The following ADCK5 variants were observed in gnomAD, a reference collection of about 807,000 sequenced individuals.
ADCK5 encodes uncharacterized aarF domain-containing protein kinase 5.
ADCK5 carries 43 observed loss-of-function variants against 64.9 expected under a neutral mutation model. That is an observed-to-expected ratio of 0.66 (90% confidence interval 0.52 to 0.85). The LOEUF is 0.85. Ranked by LOEUF, ADCK5 falls within the 40% of genes least tolerant of loss-of-function variation. The pLI, the probability that ADCK5 is intolerant of heterozygous loss-of-function variation, is 0.00. For missense variants in ADCK5, 760 were observed against 810.5 expected (o/e 0.94, Z 0.76); for synonymous variants, 434 against 342.8 (o/e 1.27, Z -2.94).
chr8:144,374,185 C>G lies in ADCK5; in HGVS notation c.12+78C>G. On this transcript the variant is annotated intron_variant, in intron 1 of 14. Transcript: ENST00000308860. ...GACCCGAGACCCGCAAGTCCCCAGACCCCGCCCTAGAGACCCTCGGGGCTT... is the reference window on the plus strand; with the variant it reads ...GACCCGAGACCCGCAAGTCCCCAGAGCCCGCCCTAGAGACCCTCGGGGCTT... 4.1e-6 allele frequency: 5 copies of G among 1,218,636 alleles called. No individual in the cohort carries two copies. The South Asian group carries it at 2.1e-4, about 51-fold the overall frequency. The allele number at this position is 1,218,636 out of a possible 1,614,324, so 75.5% of individuals were successfully genotyped here.
At chr8:144,388,490 C>A (rs1820028347) in intron 3 of ADCK5, among the ~76,000 whole-genome samples, 1 of 151,504 alleles carries the variant, frequency 6.6e-6, no homozygotes, top group Admixed American at 6.6e-5. Flanking sequence ...TAGAGCCGGG[C>A]ACGGTGGCTC....
rs180876327 is a variant in ADCK5, at chr8:144,375,489, G to A, written c.12+1382G>A. ...AGTTTCTGGCATCATTCTGAGACTC[G>A]GCAGTTGCTTCTCACTGCTGCGGCC... On this transcript the variant is annotated intron_variant, in intron 1 of 14. Transcript: ENST00000308860. The A allele has an allele frequency of 4.6e-5, 45 of 985,442 alleles. No individual in the cohort carries two copies. In the East Asian group the frequency reaches 3.2e-3, roughly 70 times the overall value. 61.0% of individuals were successfully genotyped at this position (985,442 alleles called of 1,614,324 possible). A position where few individuals can be genotyped will look rare whatever the true frequency, so the allele number is the denominator to read the frequency against.
In ADCK5 at chr8:144,374,108, G is replaced by C; in HGVS notation, c.12+1G>C. Reference sequence around the variant, plus strand: ...GCAGTGGTCGGAGATGTGGCGACCGGTGAGGACTCTCCCGGCCCGGGGCGC... The same window carrying C: ...GCAGTGGTCGGAGATGTGGCGACCGCTGAGGACTCTCCCGGCCCGGGGCGC... On this transcript the variant is annotated splice_donor_variant, in intron 1 of 14. Coordinates refer to ENST00000308860, the MANE Select transcript of ADCK5 (RefSeq NM_174922.5). LOFTEE classifies it high-confidence loss of function. 8.0e-7 allele frequency: 1 copy of C among 1,248,988 alleles called. No individual in the cohort carries two copies. The highest frequency in any genetic ancestry group is 1.0e-6 in the Non-Finnish European group (1 of 989,114). The allele number at this position is 1,248,988 out of a possible 1,614,324, so 77.4% of individuals were successfully genotyped here.
At chr8:144,385,037 T>G (rs115256352) in intron 3 of ADCK5, among the ~76,000 whole-genome samples, 151,315 of 152,152 alleles carry the variant, frequency 0.99, 75,251 homozygotes, top group Middle Eastern at 1. Context: ...AGCATGGCGG[T>G]GCCAGTGCAC....
rs1200540709 is a variant in ADCK5, at chr8:144,374,063, C to T, written c.-33C>T. ...CTGGGCTGCGAGACGCTAAGCGGCG[C>T]CGGGCGGGAGAAGAGCGGAGCAGTG... On this transcript the variant is annotated 5_prime_UTR_variant, in exon 1 of 15. Coordinates refer to ENST00000308860, the MANE Select transcript of ADCK5 (RefSeq NM_174922.5). 2.4e-6 allele frequency: 3 copies of T among 1,245,940 alleles called. No homozygotes were observed. The highest frequency in any genetic ancestry group is 3.0e-6 in the Non-Finnish European group (3 of 988,408). The allele number at this position is 1,245,940 out of a possible 1,614,324, so 77.2% of individuals were successfully genotyped here.
rs1820421310 is a variant in ADCK5, at chr8:144,393,218, C to CCA, written c.*150_*151dup. On this transcript the variant is annotated 3_prime_UTR_variant, in exon 15 of 15. Transcript: ENST00000308860. Reference sequence around the variant, plus strand: ...GCTGGGCCAGGAGGCCGTGTAATGACCACACACTCCTCTCAAGCAAAAAAT... The same window carrying CCA: ...GCTGGGCCAGGAGGCCGTGTAATGACCACACACACTCCTCTCAAGCAAAAAAT... 7.3e-7 allele frequency: 1 copy of CCA among 1,372,330 alleles called. No homozygotes were observed. Among genetic ancestry groups the CCA allele is most frequent in the African/African-American group, 1.5e-5 (1 of 68,200 alleles). 85.0% of individuals were successfully genotyped at this position (1,372,330 alleles called of 1,614,324 possible).
chr8:144,392,416 C>CCCA, intron 12 of ADCK5, 29 bp from the exon 13 acceptor site: 1 of 1,333,408 alleles, frequency 7.5e-7, no homozygotes, highest in Non-Finnish European at 9.8e-7. Flanking sequence ...CTCAGAGCCC[C>CCCA]CTCCCTCCCT....
intron 3 of ADCK5, among the ~76,000 whole-genome samples, chr8:144,388,173 C>T (rs1464672928): frequency 7.3e-5 from 11 of 151,104 alleles, no homozygotes; most frequent in Middle Eastern, 3.5e-3. Flanking sequence ...GCCTGACCAA[C>T]GTGGAGAAAC....
Position 144,391,928 on chromosome 8 carries a change from C to T in ADCK5, c.1015-13C>T. On this transcript the variant is annotated splice_polypyrimidine_tract_variant and intron_variant, in intron 9 of 14. Transcript: ENST00000308860. ...TGGTGCTGTGTCCACTGCAATGCCT[C>T]TCCTCTCCCCAGATAGCAGAAAAGC... The T allele has an allele frequency of 6.2e-7, 1 of 1,612,276 alleles. No individual in the cohort carries two copies. The highest frequency in any genetic ancestry group is 8.5e-7 in the Non-Finnish European group (1 of 1,179,952).
intron 1 of ADCK5, chr8:144,375,633 C>T: frequency 1.0e-6 from 1 of 985,436 alleles, no homozygotes; most frequent in Non-Finnish European, 1.2e-6. Context: ...CTTCATGATA[C>T]CTGTGTGAGT....
chr8:144,391,426 G>T lies in ADCK5; in HGVS notation c.750G>T (p.Arg250=). ...TCCACACCCTGGAGCTCCTGCTGCG[G>T]CTCGTTGAGGTCATGCACCCCAGCT... ...GDIHTLELLL[R]LVEVMHPSFG... Residue 250 remains arginine, a synonymous_variant, in exon 7 of 15, where the codon CGG becomes CGT. Coordinates refer to ENST00000308860, the MANE Select transcript of ADCK5 (RefSeq NM_174922.5). The T allele has an allele frequency of 6.2e-7, 1 of 1,612,776 alleles. No individual in the cohort carries two copies. Among genetic ancestry groups the T allele is most frequent in the Non-Finnish European group, 8.5e-7 (1 of 1,179,952 alleles).
At chr8:144,381,964 G>C (rs369624374) in intron 2 of ADCK5, among the ~76,000 whole-genome samples, 1 of 143,056 alleles carries the variant, frequency 7.0e-6, no homozygotes, top group African/African-American at 2.7e-5. Flanking sequence ...ATTATGGGCC[G>C]GGTGTAGAAT....
rs1040928358 is a variant in ADCK5 at position 144,391,777 on chromosome 8, C to T, written c.931-6C>T. The T allele has an allele frequency of 6.5e-7, 1 of 1,546,100 alleles. No individual in the cohort carries two copies. Among genetic ancestry groups the T allele is most frequent in the Non-Finnish European group, 8.7e-7 (1 of 1,151,560 alleles). On this transcript the variant is annotated splice_polypyrimidine_tract_variant and splice_region_variant and intron_variant, in intron 8 of 14. Coordinates refer to ENST00000308860, the MANE Select transcript of ADCK5 (RefSeq NM_174922.5). ...CCTGCTGAGCCCAGCCTCTTGCTCT[C>T]CCCAGCGCGTGCTCACTGCCGACTT...
upstream of ADCK5, chr8:144,373,749 C>G: frequency 3.3e-6 from 1 of 304,200 alleles, no homozygotes; most frequent in Non-Finnish European, 6.1e-6. Context: ...GTGAGGACCT[C>G]AGGAAGCCCT....
chr8:144,386,940 T>C (rs1252387796), intron 3 of ADCK5, among the ~76,000 whole-genome samples: 1 of 152,240 alleles, frequency 6.6e-6, no homozygotes, highest in Non-Finnish European at 1.5e-5. Flanking sequence ...TCATTGCACA[T>C]GATTGGACAC....
intron 1 of ADCK5, among the ~76,000 whole-genome samples, chr8:144,379,026 C>T (rs1014380267): frequency 2.0e-5 from 3 of 151,436 alleles, no homozygotes; most frequent in Non-Finnish European, 2.9e-5. Context: ...CTCTGCCTCC[C>T]GGGTTCAAGC....
At position 144,383,009 on chromosome 8, in the gene ADCK5, A is replaced by C. The variant is rs1819746890; in HGVS notation, c.117-72A>C. 6 of 1,537,176 alleles carry C rather than the reference A, an allele frequency of 3.9e-6. No homozygotes were observed. The Admixed American group carries it at 1.2e-4, about 30-fold the overall frequency. On this transcript the variant is annotated intron_variant, in intron 2 of 14. Transcript: ENST00000308860. ...CAGGAGTGAGACGTGGTGCTGGGGG[A>C]GGTGGGGGCAGAGATCAGAGCCCAG...
At chr8:144,379,335 C>A in intron 1 of ADCK5, 52 bp from the exon 2 acceptor site, 1 of 1,391,600 alleles carries the variant, frequency 7.2e-7, no homozygotes, top group Non-Finnish European at 9.9e-7. Flanking sequence ...TGGTTGAGGG[C>A]AGGGGCGTGT....
rs1820415924 is a variant in ADCK5, at chr8:144,393,143, G to A, written c.*69G>A. The A allele has an allele frequency of 1.4e-6, 2 of 1,431,264 alleles. No individual in the cohort carries two copies. The highest frequency in any genetic ancestry group is 1.8e-6 in the Non-Finnish European group (2 of 1,081,680). The allele number at this position is 1,431,264 out of a possible 1,614,324, so 88.7% of individuals were successfully genotyped here. On this transcript the variant is annotated 3_prime_UTR_variant, in exon 15 of 15. Coordinates refer to ENST00000308860, the MANE Select transcript of ADCK5 (RefSeq NM_174922.5). Reference sequence around the variant, plus strand: ...TGACGGAGGTGGCGGGGCTAGAGGTGTAGACACCCCGAGCCCCGTGGGCAC... The same window carrying A: ...TGACGGAGGTGGCGGGGCTAGAGGTATAGACACCCCGAGCCCCGTGGGCAC...
Sources: allele counts gnomAD v4.1 joint callset (sites outside exome capture counted in the v4.1 genomes callset), GRCh38; gene constraint gnomAD v4.1.1; transcripts MANE v1.5; gene names NCBI Gene and HGNC (gene_info 2026-07-23, HGNC 2026-07-21).